The following SNTB1 variants were observed in gnomAD, a reference collection of about 807,000 sequenced individuals.
SNTB1 encodes syntrophin beta 1.
Under a neutral mutation model 48.9 loss-of-function variants are expected in SNTB1, and 36 were observed. That is an observed-to-expected ratio of 0.74 (90% CI 0.56 to 0.97). The LOEUF (loss-of-function observed/expected upper bound fraction) is 0.97, where lower values mean the gene tolerates loss of function less well. Ranked by LOEUF, SNTB1 falls within the 50% of genes least tolerant of loss-of-function variation. The pLI, the probability that SNTB1 is intolerant of heterozygous loss-of-function variation, is 0.00. For synonymous variants in SNTB1, 299 were observed against 294.6 expected (o/e 1.01, Z -0.15); for missense variants, 786 against 703.4 (o/e 1.12, Z -1.33).
chr8:120,747,328 T>C (rs543809806), intron 1 of SNTB1, among the ~76,000 whole-genome samples: 1 of 152,330 alleles, frequency 6.6e-6, no homozygotes, highest in African/African-American at 2.4e-5. Context: ...TCTTGGTCTG[T>C]CGCCCAGGCT....
At chr8:120,547,221 C>A (rs939938329) in intron 5 of SNTB1, among the ~76,000 whole-genome samples, 6 of 152,144 alleles carry the variant, frequency 3.9e-5, no homozygotes, top group Admixed American at 3.9e-4. Flanking sequence ...TATTTACACC[C>A]ATTATTCTAT....
intron 1 of SNTB1, among the ~76,000 whole-genome samples, chr8:120,802,725 T>C (rs1820249765): frequency 6.6e-6 from 1 of 152,120 alleles, no homozygotes; most frequent in Non-Finnish European, 1.5e-5. Context: ...GAAGTAATTA[T>C]TGGGAAATAA....
intron 1 of SNTB1, among the ~76,000 whole-genome samples, chr8:120,772,908 C>A (rs1430765043): frequency 6.6e-6 from 1 of 152,152 alleles, no homozygotes; most frequent in African/African-American, 2.4e-5. Context: ...AGGTAACACA[C>A]TATTCAATGA....
chr8:120,693,673 G>A lies in SNTB1; in HGVS notation c.788+19C>T, dbSNP rs184792743. On this transcript the variant is annotated intron_variant, in intron 2 of 6. Coordinates refer to ENST00000517992, the MANE Select transcript of SNTB1 (RefSeq NM_021021.4). Reference sequence around the variant, plus strand: ...CCGAGGAGCTGCTTGATACAGTGGAGAGTTTTGACCCTATTTACCTGTTCT... The same window carrying A: ...CCGAGGAGCTGCTTGATACAGTGGAAAGTTTTGACCCTATTTACCTGTTCT... The A allele has an allele frequency of 2.5e-6, 4 of 1,607,948 alleles. No individual in the cohort carries two copies. The East Asian group carries it at 6.7e-5, about 27-fold the overall frequency.
chr8:120,766,264 T>G (rs1419589814), intron 1 of SNTB1, among the ~76,000 whole-genome samples: 1 of 152,186 alleles, frequency 6.6e-6, no homozygotes, highest in Non-Finnish European at 1.5e-5. Flanking sequence ...TTGTAGATGA[T>G]GAAAATAAGA....
chr8:120,632,574 C>A lies in SNTB1; in HGVS notation c.866G>T (p.Trp289Leu). Residue 289 changes from tryptophan (W) to leucine (L), a missense_variant, in exon 3 of 7, where the codon TGG becomes TTG. By Grantham distance (61) the Trp-to-Leu change is moderately conservative. Transcript: ENST00000517992. ...AACGTTGGAATGGATGGCACTGAAC[C>A]ATGCCTGGGCCGTGGCTGAGTCCTT... ...RSKDSATAQA[W>L]FSAIHSNVND... is the part of the protein sequence containing the mutation. 6.2e-7 allele frequency: 1 copy of A among 1,614,122 alleles called. No individual in the cohort carries two copies. Among genetic ancestry groups the A allele is most frequent in the Non-Finnish European group, 8.5e-7 (1 of 1,180,042 alleles).
chr8:120,589,504 G>A (rs771223630), intron 3 of SNTB1, among the ~76,000 whole-genome samples: 13 of 152,098 alleles, frequency 8.5e-5, no homozygotes, highest in Non-Finnish European at 1.8e-4. Flanking sequence ...GTCAATCCTG[G>A]CTGCTATAAC....
chr8:120,729,137 C>A (rs1818811494), intron 1 of SNTB1, among the ~76,000 whole-genome samples: 1 of 152,104 alleles, frequency 6.6e-6, no homozygotes, highest in Non-Finnish European at 1.5e-5. Flanking sequence ...AGCCATTAGG[C>A]CCGGCTAATT....
chr8:120,800,558 A>C (rs1820206799), intron 1 of SNTB1, among the ~76,000 whole-genome samples: 1 of 152,068 alleles, frequency 6.6e-6, no homozygotes. Context: ...CCCAAGGAGG[A>C]TGGTCATGCA....
rs72682511 is a variant in SNTB1, at chr8:120,637,310, C to T, written c.789-4659G>A. 1,491 of 318,848 alleles carry T rather than the reference C, an allele frequency of 4.7e-3. 7 individuals are homozygous for T. The highest frequency in any genetic ancestry group is 7.7e-3 in the Non-Finnish European group (1,212 of 158,218). 19.8% of individuals were successfully genotyped at this position (318,848 alleles called of 1,614,324 possible). On this transcript the variant is annotated intron_variant, in intron 2 of 6. Coordinates refer to ENST00000517992, the MANE Select transcript of SNTB1 (RefSeq NM_021021.4). ...CAGCTTGGCTAGTCCTCCTGTGGCT[C>T]CTGTCCTAAGTGTAGATACCTCACT...
intron 5 of SNTB1, 92 bp downstream of exon 5, chr8:120,548,670 G>C: frequency 9.1e-7 from 1 of 1,102,372 alleles, no homozygotes; most frequent in Non-Finnish European, 1.4e-6. Context: ...ATCCCCAGAG[G>C]CCAGTGATGA....
intron 3 of SNTB1, among the ~76,000 whole-genome samples, chr8:120,626,973 T>A (rs962590719): frequency 6.6e-6 from 1 of 152,246 alleles, no homozygotes; most frequent in Non-Finnish European, 1.5e-5. Context: ...GTCATCTTTG[T>A]GGGACAACTG....
chr8:120,606,387 A>C (rs1255575365), intron 3 of SNTB1, among the ~76,000 whole-genome samples: 2 of 136,550 alleles, frequency 1.5e-5, no homozygotes, highest in Non-Finnish European at 1.5e-5. Flanking sequence ...ATAAAATACT[A>C]TGTCAGTGCG....
intron 1 of SNTB1, among the ~76,000 whole-genome samples, chr8:120,752,987 GAAAAA>G (rs60198716): frequency 0.063 from 4,806 of 76,554 alleles, 259 homozygotes; most frequent in African/African-American, 0.18. Flanking sequence ...AAAGCTGGAA[GAAAAA>G]AAAAAAAAAA....
chr8:120,752,732 A>C (rs1249540249), intron 1 of SNTB1, among the ~76,000 whole-genome samples: 2 of 152,082 alleles, frequency 1.3e-5, no homozygotes, highest in South Asian at 2.1e-4. Context: ...CAGAAAACCA[A>C]ATACCACAAG....
At chr8:120,608,722 G>A (rs1292977401) in intron 3 of SNTB1, among the ~76,000 whole-genome samples, 1 of 152,160 alleles carries the variant, frequency 6.6e-6, no homozygotes, top group Admixed American at 6.5e-5. Flanking sequence ...CTAGAAATCT[G>A]TTTAAAATAC....
At chr8:120,749,378 G>A (rs1819175337) in intron 1 of SNTB1, among the ~76,000 whole-genome samples, 1 of 152,120 alleles carries the variant, frequency 6.6e-6, no homozygotes, top group African/African-American at 2.4e-5. Context: ...TCCTTTCACT[G>A]TACACTAGCA....
intron 4 of SNTB1, among the ~76,000 whole-genome samples, chr8:120,556,299 G>A (rs771696744): frequency 6.6e-6 from 1 of 152,114 alleles, no homozygotes; most frequent in South Asian, 2.1e-4. Flanking sequence ...GATGGGTGGA[G>A]AATTATTCCT....
At chr8:120,606,511 G>A (rs1016751504) in intron 3 of SNTB1, among the ~76,000 whole-genome samples, 2 of 151,668 alleles carry the variant, frequency 1.3e-5, no homozygotes, top group African/African-American at 4.8e-5. Context: ...GACAAGATTT[G>A]AGTTTCAGTA....
Sources: allele counts gnomAD v4.1 joint callset (sites outside exome capture counted in the v4.1 genomes callset), GRCh38; gene constraint gnomAD v4.1.1; transcripts MANE v1.5; gene names NCBI Gene and HGNC (gene_info 2026-07-23, HGNC 2026-07-21).